Variants in MACROD2 observed in about 807,000 individuals in gnomAD.
MACROD2 encodes the protein ADP-ribose glycohydrolase MACROD2.
Under a neutral mutation model 70.4 loss-of-function variants are expected in MACROD2, and 36 were observed. The ratio of observed to expected loss-of-function variants is 0.51; its 90% CI spans 0.39 to 0.68. The LOEUF (loss-of-function observed/expected upper bound fraction) is 0.68. Among genes scored for constraint, MACROD2 ranks in the 30% least tolerant of loss-of-function variants. The pLI, the probability that MACROD2 is intolerant of heterozygous loss-of-function variation, is 0.00. For missense variants in MACROD2, 496 were observed against 538.4 expected, an observed-to-expected ratio of 0.92 and a Z score of 0.78; for synonymous variants, 172 against 178.8, an observed-to-expected ratio of 0.96 and a Z score of 0.30.
intron 6 of MACROD2, among the ~76,000 whole-genome samples, chr20:15,313,421 G>A (rs981564614): frequency 3.3e-5 from 5 of 150,770 alleles, no homozygotes; most frequent in Admixed American, 2.0e-4. Context: ...GCAGGAGAAT[G>A]GCATGATCCT....
Position 15,206,721 on chromosome 20 carries a change from G to GTTTTTTTTTTTTTTTTTTTTTTTTT in MACROD2, c.419-23217_419-23193dup, listed in dbSNP as rs56752104. 2.0e-3 allele frequency among the ~76,000 whole-genome samples: 65 copies of GTTTTTTTTTTTTTTTTTTTTTTTTT among 33,000 alleles called. 26 individuals carry two copies. The highest frequency in any genetic ancestry group is 4.5e-3 in the Admixed American group (9 of 2,014). 21.6% of individuals were successfully genotyped at this position (33,000 alleles called of 152,430 possible). On this transcript the variant is annotated intron_variant, in intron 5 of 17. Transcript: ENST00000684519. ...GCATGAAGTCTTTCATATTATCTAT[G>GTTTTTTTTTTTTTTTTTTTTTTTTT]TTTTTTTTTTTTTTTTTTTTTTTTT... is the stretch of plus-strand genomic sequence containing the variant.
chr20:15,864,585 A>G (rs1441622568), intron 9 of MACROD2, among the ~76,000 whole-genome samples: 4 of 152,186 alleles, frequency 2.6e-5, no homozygotes, highest in Non-Finnish European at 4.4e-5. Context: ...GGTATTTCCA[A>G]TGATGCACAG....
At chr20:14,463,622 G>A (rs2084400198) in intron 3 of MACROD2, among the ~76,000 whole-genome samples, 1 of 152,060 alleles carries the variant, frequency 6.6e-6, no homozygotes, top group South Asian at 2.1e-4. Flanking sequence ...AGTTTTCAAA[G>A]GGAATACTTC....
At chr20:15,313,009 T>G (rs1247322425) in intron 6 of MACROD2, among the ~76,000 whole-genome samples, 1 of 152,202 alleles carries the variant, frequency 6.6e-6, no homozygotes, top group African/African-American at 2.4e-5. Context: ...ATGTTTGTAT[T>G]TATACACATT....
At chr20:14,947,348 C>T (rs1265924945) in intron 5 of MACROD2, among the ~76,000 whole-genome samples, 1 of 152,174 alleles carries the variant, frequency 6.6e-6, no homozygotes, top group African/African-American at 2.4e-5. Flanking sequence ...TTTCTGACTC[C>T]GGCATTGGCC....
At chr20:15,618,185 T>C (rs759182073) in intron 8 of MACROD2, among the ~76,000 whole-genome samples, 14 of 147,876 alleles carry the variant, frequency 9.5e-5, no homozygotes, top group Non-Finnish European at 1.8e-4. Context: ...TCATGGTTCC[T>C]TTCCCCACAA....
chr20:15,296,555 G>A (rs1027025472), intron 6 of MACROD2, among the ~76,000 whole-genome samples: 3 of 151,928 alleles, frequency 2.0e-5, no homozygotes, highest in Non-Finnish European at 2.9e-5. Context: ...AGGCATACAT[G>A]GCATTTTAAT....
chr20:14,851,973 G>T (rs981641190), intron 5 of MACROD2, among the ~76,000 whole-genome samples: 8 of 152,132 alleles, frequency 5.3e-5, no homozygotes, highest in African/African-American at 1.9e-4. Flanking sequence ...TGAAAGACAG[G>T]TGTCATCTCA....
chr20:15,226,893 T>C (rs1212252240), intron 5 of MACROD2, among the ~76,000 whole-genome samples: 1 of 152,092 alleles, frequency 6.6e-6, no homozygotes, highest in African/African-American at 2.4e-5. Flanking sequence ...GGGCTGGAGC[T>C]GGAATTCAAA....
intron 5 of MACROD2, among the ~76,000 whole-genome samples, chr20:14,793,168 G>C (rs2072469840): frequency 6.6e-6 from 1 of 152,080 alleles, no homozygotes; most frequent in African/African-American, 2.4e-5. Flanking sequence ...CTTCTACTCT[G>C]TCTTCCCTGT....
chr20:15,603,491 G>C (rs2048851554), intron 8 of MACROD2, among the ~76,000 whole-genome samples: 1 of 131,350 alleles, frequency 7.6e-6, no homozygotes, highest in African/African-American at 3.1e-5. Context: ...CTGGGTGACA[G>C]AGTGAGACGT....
intron 3 of MACROD2, among the ~76,000 whole-genome samples, chr20:14,130,199 A>C (rs1228290513): frequency 6.6e-6 from 1 of 152,318 alleles, no homozygotes; most frequent in Middle Eastern, 3.4e-3. Context: ...TTGATAAAAA[A>C]TATGTGTGGC....
chr20:15,428,086 C>T (rs2046321921), intron 6 of MACROD2, among the ~76,000 whole-genome samples: 1 of 152,170 alleles, frequency 6.6e-6, no homozygotes, highest in African/African-American at 2.4e-5. Context: ...ATCACAGCAT[C>T]CATGCCAGGA....
chr20:14,401,376 A>C (rs4574178), intron 3 of MACROD2, among the ~76,000 whole-genome samples: 59,319 of 151,994 alleles, frequency 0.39, 11,775 homozygotes, highest in Admixed American at 0.47. Context: ...GAATCTCCAC[A>C]CTGTCTTCCA....
chr20:14,468,424 G>T (rs527292892), intron 3 of MACROD2, among the ~76,000 whole-genome samples: 1 of 147,632 alleles, frequency 6.8e-6, no homozygotes, highest in East Asian at 2.0e-4. Context: ...CAGAGACTAG[G>T]ATTGCAACCC....
At chr20:14,733,651 C>A (rs920723436) in intron 5 of MACROD2, among the ~76,000 whole-genome samples, 157 of 152,260 alleles carry the variant, frequency 1.0e-3, no homozygotes, top group African/African-American at 3.6e-3. Flanking sequence ...TGCTTGGCAT[C>A]TGCATTTTAC....
chr20:15,556,568 A>T (rs1301571414), intron 8 of MACROD2, among the ~76,000 whole-genome samples: 1 of 152,218 alleles, frequency 6.6e-6, no homozygotes, highest in Admixed American at 6.5e-5. Flanking sequence ...AAAATATTGG[A>T]AGAGACCCAT....
chr20:14,284,442 T>G (rs2082328963), intron 3 of MACROD2, among the ~76,000 whole-genome samples: 1 of 152,238 alleles, frequency 6.6e-6, no homozygotes, highest in Non-Finnish European at 1.5e-5. Flanking sequence ...TGTGGTATAA[T>G]GGTGTCCCTC....
At chr20:15,943,574 G>A (rs2065779849) in intron 12 of MACROD2, among the ~76,000 whole-genome samples, 1 of 152,104 alleles carries the variant, frequency 6.6e-6, no homozygotes, top group African/African-American at 2.4e-5. Flanking sequence ...TACTGAAGGG[G>A]AAAGAACTAA....
Sources: gnomAD v4.1 joint callset for allele counts (sites outside exome capture counted in the v4.1 genomes callset) on GRCh38, gnomAD v4.1.1 for gene constraint, MANE v1.5 for transcripts, NCBI Gene and HGNC (gene_info 2026-07-23, HGNC 2026-07-21) for gene names.